The following WWOX variants were observed in gnomAD, a reference collection of about 807,000 sequenced individuals.
WWOX encodes the protein WW domain containing oxidoreductase.
A neutral mutation model predicts 46.2 loss-of-function variants in WWOX; 69 were observed. That is an observed-to-expected ratio of 1.49 (90% CI 1.23 to 1.82). The LOEUF (loss-of-function observed/expected upper bound fraction) is 1.82, where lower values mean the gene tolerates loss of function less well. Among genes scored for constraint, WWOX ranks in the 40% most tolerant of loss-of-function variants. The probability of loss-of-function intolerance (pLI) is 0.00; values close to 1 mark genes in which losing one functional copy is unlikely to be tolerated. For missense variants in WWOX, 919 were observed against 542.6 expected, an observed-to-expected ratio of 1.69 and a Z score of -6.89; for synonymous variants, 359 against 202.6, an observed-to-expected ratio of 1.77 and a Z score of -6.56.
intron 8 of WWOX, among the ~76,000 whole-genome samples, chr16:79,026,195 C>T (rs930652292): frequency 2.0e-5 from 3 of 151,710 alleles, no homozygotes; most frequent in African/African-American, 4.9e-5. Context: ...AACCCAAACC[C>T]TCATATGCCC....
intron 8 of WWOX, among the ~76,000 whole-genome samples, chr16:78,865,246 C>G (rs183540144): frequency 3.7e-4 from 56 of 152,158 alleles, no homozygotes; most frequent in Middle Eastern, 6.8e-3. Context: ...TTGACTTACT[C>G]TCTTCCTTTA....
intron 8 of WWOX, among the ~76,000 whole-genome samples, chr16:78,492,287 G>A (rs2084804042): frequency 6.6e-6 from 1 of 152,124 alleles, no homozygotes; most frequent in African/African-American, 2.4e-5. Flanking sequence ...GGGTGTGTAT[G>A]TGCAAACTGT....
intron 8 of WWOX, among the ~76,000 whole-genome samples, chr16:78,795,101 T>C (rs1168921976): frequency 6.6e-6 from 1 of 152,114 alleles, no homozygotes; most frequent in African/African-American, 2.4e-5. Flanking sequence ...AGGGTGGTGT[T>C]GGTGGTGGAG....
chr16:78,898,543 T>C (rs1393191084), intron 8 of WWOX: 3 of 152,186 alleles, frequency 2.0e-5, no homozygotes, highest in African/African-American at 7.2e-5. Flanking sequence ...AGCTAGGTAA[T>C]AATAAGGATT....
chr16:78,700,314 GAGAGA>G, intron 8 of WWOX, among the ~76,000 whole-genome samples: 1 of 7,912 alleles, frequency 1.3e-4, no homozygotes, highest in South Asian at 8.1e-3. Flanking sequence ...TTAGTAGACA[GAGAGA>G]GAGAGAGAGA....
At chr16:78,412,800 A>C (rs959364613) in intron 6 of WWOX, among the ~76,000 whole-genome samples, 5 of 152,296 alleles carry the variant, frequency 3.3e-5, no homozygotes, top group East Asian at 1.9e-4. Flanking sequence ...TGAGAAGTAG[A>C]TTTGGGTCAG....
At chr16:78,148,897 CAAAAAAAAAAAAAAAAAAA>C (rs34225165) in intron 4 of WWOX, among the ~76,000 whole-genome samples, 1 of 53,228 alleles carries the variant, frequency 1.9e-5, no homozygotes, top group Non-Finnish European at 3.2e-5. Context: ...GACTCCGTCT[CAAAAAAAAAAAAAAAAAAA>C]AAAAAAAAAG....
chr16:79,209,224 T>G (rs937644855), intron 8 of WWOX, among the ~76,000 whole-genome samples: 2 of 152,198 alleles, frequency 1.3e-5, no homozygotes, highest in African/African-American at 4.8e-5. Flanking sequence ...TAATTGCCTT[T>G]AGATTCCGTG....
intron 8 of WWOX, among the ~76,000 whole-genome samples, chr16:78,434,691 C>T (rs985645375): frequency 1.3e-5 from 2 of 152,160 alleles, no homozygotes; most frequent in African/African-American, 4.8e-5. Context: ...TCGTTTTCTC[C>T]TTCTTCCATA....
chr16:78,725,593 C>T lies in WWOX; in HGVS notation c.1056+292841C>T, dbSNP rs150145194. 1.4e-4 allele frequency among the ~76,000 whole-genome samples: 21 copies of T among 151,834 alleles called. No individual in the cohort carries two copies. In the East Asian group the frequency reaches 2.7e-3, roughly 20 times the overall value. ...AAATCCTGACCTCAGGCGATCTACC[C>T]GCCTCAGCCTCCCAAAGTCAGGTGT... On this transcript the variant is annotated intron_variant, in intron 8 of 8. Coordinates refer to ENST00000566780, the MANE Select transcript of WWOX (RefSeq NM_016373.4).
At chr16:78,144,744 C>T (rs916893147) in intron 4 of WWOX, among the ~76,000 whole-genome samples, 3 of 151,458 alleles carry the variant, frequency 2.0e-5, no homozygotes, top group African/African-American at 4.8e-5. Context: ...CAGTCTCAAA[C>T]TCCTGACCTC....
At chr16:78,866,335 G>A (rs180682054) in intron 8 of WWOX, among the ~76,000 whole-genome samples, 12 of 152,180 alleles carry the variant, frequency 7.9e-5, no homozygotes, top group African/African-American at 2.9e-4. Context: ...TCTCCCTCTG[G>A]GGGACTGAGA....
intron 8 of WWOX, among the ~76,000 whole-genome samples, chr16:79,032,526 A>C (rs998392512): frequency 4.7e-5 from 7 of 148,200 alleles, no homozygotes; most frequent in Non-Finnish European, 8.9e-5. Context: ...ATATATACAC[A>C]ATAGTCTAGT....
intron 8 of WWOX, among the ~76,000 whole-genome samples, chr16:78,739,541 G>A (rs2142410811): frequency 6.6e-6 from 1 of 152,314 alleles, no homozygotes; most frequent in Non-Finnish European, 1.5e-5. Flanking sequence ...GCTGGGCATG[G>A]TGGCTCACGC....
chr16:78,739,856 T>G (rs2049174440), intron 8 of WWOX, among the ~76,000 whole-genome samples: 1 of 152,118 alleles, frequency 6.6e-6, no homozygotes, highest in African/African-American at 2.4e-5. Context: ...TATTCCTTAT[T>G]ATGGAAGAAG....
chr16:78,382,961 A>G (rs1479922714), intron 5 of WWOX, among the ~76,000 whole-genome samples: 1 of 151,680 alleles, frequency 6.6e-6, no homozygotes, highest in African/African-American at 2.4e-5. Context: ...GCCTTAGGAA[A>G]CTTCCAATCA....
At chr16:78,303,815 G>A (rs2080085742) in intron 5 of WWOX, among the ~76,000 whole-genome samples, 1 of 152,110 alleles carries the variant, frequency 6.6e-6, no homozygotes, top group Non-Finnish European at 1.5e-5. Flanking sequence ...AAAGTGCTGG[G>A]ATTACAGGTG....
At chr16:78,387,057 C>T (rs1296676286) in intron 6 of WWOX, 109 bp downstream of exon 6, 2 of 1,117,574 alleles carry the variant, frequency 1.8e-6, no homozygotes, top group Non-Finnish European at 2.7e-6. Context: ...TCTTGGCGTC[C>T]AAACAGGAGG....
At chr16:78,753,777 G>A (rs561531498) in intron 8 of WWOX, among the ~76,000 whole-genome samples, 1 of 128,248 alleles carries the variant, frequency 7.8e-6, no homozygotes, top group Non-Finnish European at 1.6e-5. Context: ...AGTCAAGCCT[G>A]GGTGACAGGG....
Sources: allele counts gnomAD v4.1 joint callset (sites outside exome capture counted in the v4.1 genomes callset), GRCh38; gene constraint gnomAD v4.1.1; transcripts MANE v1.5; gene names NCBI Gene and HGNC (gene_info 2026-07-23, HGNC 2026-07-21).